Variants in MFSD1 observed in about 807,000 individuals in gnomAD.
The protein encoded by MFSD1 is major facilitator superfamily domain containing 1.
MFSD1 carries 59 observed loss-of-function variants against 67.1 expected under a neutral mutation model. The observed-to-expected ratio is 0.88, with a 90% confidence interval of 0.71 to 1.09. MFSD1 has a LOEUF of 1.09. Ranked by LOEUF, MFSD1 falls within the 50% of genes least tolerant of loss-of-function variation. The pLI, the probability that MFSD1 is intolerant of heterozygous loss-of-function variation, is 0.00. For synonymous variants in MFSD1, 213 were observed against 200.3 expected (o/e 1.06, Z -0.54); for missense variants, 552 against 566.1 (o/e 0.97, Z 0.25).
intron 13 of MFSD1, 131 bp downstream of exon 13, chr3:158,824,367 C>T: frequency 1.5e-6 from 1 of 682,612 alleles, no homozygotes; most frequent in South Asian, 1.9e-5. Context: ...TGGTGACTTT[C>T]TAGCCCTCTG....
intron 6 of MFSD1, among the ~76,000 whole-genome samples, chr3:158,809,837 T>C (rs1729910798): frequency 1.3e-5 from 2 of 152,246 alleles, no homozygotes; most frequent in Non-Finnish European, 2.9e-5. Context: ...TTCTTGGTTA[T>C]GTGTGCTCAT....
In MFSD1 at chr3:158,823,413, C is replaced by A. The variant is rs139849998; in HGVS notation, c.1078-15C>A. 7.2e-4 allele frequency: 1,133 copies of A among 1,566,594 alleles called. 5 individuals are homozygous for A. In the African/African-American group the frequency reaches 0.014, roughly 19 times the overall value. On this transcript the variant is annotated splice_polypyrimidine_tract_variant and intron_variant, in intron 11 of 15. Transcript: ENST00000415822. ...TAATGTAAGACTGTGACCTTTTCTG[C>A]GTTGCTTTCTGTAGTGTCTTCTGGG...
chr3:158,826,546 C>T (rs974891169), intron 14 of MFSD1, among the ~76,000 whole-genome samples: 3 of 150,648 alleles, frequency 2.0e-5, no homozygotes, highest in Admixed American at 1.3e-4. Context: ...TTGATGTTGT[C>T]ATTAGTAATT....
At chr3:158,811,539 G>A (rs1730019487) in intron 6 of MFSD1, among the ~76,000 whole-genome samples, 1 of 152,168 alleles carries the variant, frequency 6.6e-6, no homozygotes, top group Non-Finnish European at 1.5e-5. Flanking sequence ...AAGCCCTGGG[G>A]CACTTCCCAC....
At chr3:158,808,652 C>T (rs935473669) in intron 5 of MFSD1, among the ~76,000 whole-genome samples, 3 of 152,084 alleles carry the variant, frequency 2.0e-5, no homozygotes, top group Admixed American at 1.3e-4. Flanking sequence ...CCACACTTAG[C>T]GGTATAAAAC....
chr3:158,826,666 T>C (rs1730980971), intron 14 of MFSD1, among the ~76,000 whole-genome samples: 1 of 151,508 alleles, frequency 6.6e-6, no homozygotes, highest in Non-Finnish European at 1.5e-5. Flanking sequence ...AATAGTTTTT[T>C]TTTTCTTTTC....
chr3:158,816,370 A>G (rs1238297029), intron 7 of MFSD1, among the ~76,000 whole-genome samples: 1 of 152,020 alleles, frequency 6.6e-6, no homozygotes, highest in Non-Finnish European at 1.5e-5. Context: ...ATGGTATCTC[A>G]TTGTGGTTTT....
chr3:158,819,580 C>A, intron 7 of MFSD1, 69 bp from the exon 8 acceptor site: 1 of 850,214 alleles, frequency 1.2e-6, no homozygotes, highest in Non-Finnish European at 1.8e-6. Context: ...TAATGTACTT[C>A]TCCTTAGGAA....
intron 6 of MFSD1, among the ~76,000 whole-genome samples, chr3:158,812,099 A>G (rs565951747): frequency 6.6e-6 from 1 of 152,294 alleles, no homozygotes; most frequent in South Asian, 2.1e-4. Flanking sequence ...TCCAGTCCCG[A>G]GCTAAGACAT....
chr3:158,818,836 T>C (rs1355907667), intron 7 of MFSD1, among the ~76,000 whole-genome samples: 2 of 152,204 alleles, frequency 1.3e-5, no homozygotes, highest in Non-Finnish European at 2.9e-5. Context: ...AGTAAGACTT[T>C]TAGAGCCAGA....
intron 15 of MFSD1, among the ~76,000 whole-genome samples, chr3:158,827,945 G>GGAGAGAGAGAGAGAGAGAGAGAGA (rs755399219): frequency 2.2e-5 from 1 of 45,698 alleles, no homozygotes; most frequent in African/African-American, 9.1e-5. Context: ...AGAGAGAGGG[G>GGAGAGAGAGAGAGAGAGAGAGAGA]GAGAGAGAGA....
intron 7 of MFSD1, among the ~76,000 whole-genome samples, chr3:158,816,678 G>T (rs1177756447): frequency 1.3e-5 from 2 of 151,174 alleles, no homozygotes; most frequent in South Asian, 4.2e-4. Context: ...GTCAATTTTG[G>T]CTTTTGTTGC....
intron 15 of MFSD1, 123 bp downstream of exon 15, chr3:158,827,460 G>A: frequency 1.8e-6 from 1 of 549,930 alleles, no homozygotes; most frequent in Non-Finnish European, 3.0e-6. Flanking sequence ...TGTCGTCCAG[G>A]CTGGAGTGTA....
intron 1 of MFSD1, chr3:158,802,697 TTTTG>T (rs1156582123): frequency 5.0e-6 from 2 of 403,404 alleles, no homozygotes; most frequent in Admixed American, 3.3e-5. Flanking sequence ...CCTAAACAAC[TTTTG>T]TTTGTTTGGT....
chr3:158,829,007 G>A lies in MFSD1; in HGVS notation c.*25G>A, dbSNP rs563145901. 61 of 1,603,446 alleles carry A rather than the reference G, an allele frequency of 3.8e-5. No individual in the cohort carries two copies. The South Asian group carries it at 5.8e-4, about 15-fold the overall frequency. Reference sequence around the variant, plus strand: ...AGAAGTTAAAATGAATGTGTCATGAGAATGGGCTTAACACATCGTTGGTTT... The same window carrying A: ...AGAAGTTAAAATGAATGTGTCATGAAAATGGGCTTAACACATCGTTGGTTT... On this transcript the variant is annotated 3_prime_UTR_variant, in exon 16 of 16. Transcript: ENST00000415822.
Position 158,804,325 on chromosome 3 carries a change from A to AT in MFSD1, c.175dup (p.Cys59LeufsTer3). The AT allele has an allele frequency of 6.2e-7, 1 of 1,609,442 alleles. No individual in the cohort carries two copies. Among genetic ancestry groups the AT allele is most frequent in the Non-Finnish European group, 8.5e-7 (1 of 1,178,046 alleles). On this transcript the variant is annotated frameshift_variant, in exon 2 of 16. Coordinates refer to ENST00000415822, the MANE Select transcript of MFSD1 (RefSeq NM_022736.4). LOFTEE classifies it high-confidence loss of function. ...AGTATTTGCTCTTTTCTAGGCAGCT[A>AT]TTTTTGCTATGATAATCCTGCTGCC...
chr3:158,823,684 T>C (rs985437411), intron 12 of MFSD1, among the ~76,000 whole-genome samples, 159 bp downstream of exon 12: 1 of 152,152 alleles, frequency 6.6e-6, no homozygotes, highest in African/African-American at 2.4e-5. Context: ...TAAGATACTG[T>C]TGTGGCCACA....
At chr3:158,807,557 T>C (rs1729792050) in intron 5 of MFSD1, 94 bp downstream of exon 5, 1 of 1,003,696 alleles carries the variant, frequency 1.0e-6, no homozygotes, top group Admixed American at 2.0e-5. Flanking sequence ...TTCTGGGGAA[T>C]TACTTCAAAT....
At chr3:158,815,003 A>T (rs907529705) in intron 7 of MFSD1, among the ~76,000 whole-genome samples, 1 of 152,112 alleles carries the variant, frequency 6.6e-6, no homozygotes, top group Non-Finnish European at 1.5e-5. Flanking sequence ...AATCCCTTGA[A>T]CCTGGGAGGT....
Sources: allele counts gnomAD v4.1 joint callset (sites outside exome capture counted in the v4.1 genomes callset), GRCh38; gene constraint gnomAD v4.1.1; transcripts MANE v1.5; gene names NCBI Gene and HGNC (gene_info 2026-07-23, HGNC 2026-07-21).